AKAP19: variants seen among roughly 807,000 people sequenced by gnomAD.
The protein encoded by AKAP19 is small A-kinase anchoring protein.
At chr2:189,926,103 T>A in the AKAP19 span, among the ~76,000 whole-genome samples, 11 of 152,324 alleles carry the variant, frequency 7.2e-5, no homozygotes, top group East Asian at 1.2e-3. Flanking sequence ...TTTTGCATTA[T>A]CATTGATATT....
chr2:190,108,656 G>T, the AKAP19 span, among the ~76,000 whole-genome samples: 1 of 152,066 alleles, frequency 6.6e-6, no homozygotes, highest in African/African-American at 2.4e-5. Context: ...TTGGCAGCCT[G>T]GATATGAAAT....
the AKAP19 span, among the ~76,000 whole-genome samples, chr2:190,125,553 T>C: frequency 1.3e-5 from 2 of 152,138 alleles, no homozygotes; most frequent in South Asian, 2.1e-4. Context: ...CACTCTGTAA[T>C]CAATGCAAAA....
chr2:190,176,312 A>T, the AKAP19 span, among the ~76,000 whole-genome samples: 519 of 152,292 alleles, frequency 3.4e-3, 1 homozygote, highest in African/African-American at 0.012. The surrounding 1 kb of genome is among the most constrained non-coding windows in gnomAD (Gnocchi z 4.7). Context: ...AGTAGTAAAA[A>T]ATAGTTCAGG....
At chr2:189,925,594 G>A in the AKAP19 span, among the ~76,000 whole-genome samples, 1 of 152,024 alleles carries the variant, frequency 6.6e-6, no homozygotes, top group Non-Finnish European at 1.5e-5. Flanking sequence ...TTCATTTGTG[G>A]GTATGAATCT....
chr2:190,003,970 T>C, the AKAP19 span, among the ~76,000 whole-genome samples: 40 of 152,338 alleles, frequency 2.6e-4, no homozygotes, highest in Non-Finnish European at 5.4e-4. Flanking sequence ...CAAATCTCTT[T>C]ACTCTTAATT....
chr2:190,090,095 A>G, the AKAP19 span, among the ~76,000 whole-genome samples: 1 of 152,016 alleles, frequency 6.6e-6, no homozygotes, highest in Non-Finnish European at 1.5e-5. Flanking sequence ...TTTTCTCCTT[A>G]TAACTACCTG....
the AKAP19 span, among the ~76,000 whole-genome samples, chr2:190,158,651 T>A: frequency 6.6e-6 from 1 of 152,252 alleles, no homozygotes; most frequent in Non-Finnish European, 1.5e-5. Flanking sequence ...TTTTTGATTC[T>A]GTTCTCCCTG....
chr2:189,923,392 C>T, the AKAP19 span: 2 of 1,612,700 alleles, frequency 1.2e-6, no homozygotes, highest in South Asian at 2.2e-5. Flanking sequence ...CCCGTGTATT[C>T]ATTGGGAATC....
chr2:189,982,945 G>A, the AKAP19 span, among the ~76,000 whole-genome samples: 2 of 152,100 alleles, frequency 1.3e-5, no homozygotes, highest in African/African-American at 4.8e-5. Flanking sequence ...TCTGATAGCA[G>A]GTTTTTTGTT....
chr2:190,201,323 CAG>C, the AKAP19 span: 11 of 166,860 alleles, frequency 6.6e-5, no homozygotes, highest in African/African-American at 2.4e-4. Flanking sequence ...TCAGTGGTAA[CAG>C]AAAATTTGGG....
the AKAP19 span, among the ~76,000 whole-genome samples, chr2:190,138,067 G>A: frequency 1.3e-5 from 2 of 152,158 alleles, no homozygotes; most frequent in African/African-American, 4.8e-5. Flanking sequence ...TTCTTAAGTG[G>A]TCTAGGATTA....
chr2:190,116,615 T>C, the AKAP19 span, among the ~76,000 whole-genome samples: 1 of 152,114 alleles, frequency 6.6e-6, no homozygotes, highest in Non-Finnish European at 1.5e-5. Flanking sequence ...CTGTCTACAT[T>C]GGGAGTACTT....
chr2:190,188,041 C>A, the AKAP19 span, among the ~76,000 whole-genome samples: 1 of 152,100 alleles, frequency 6.6e-6, no homozygotes, highest in Non-Finnish European at 1.5e-5. Context: ...GTATGACTGT[C>A]ATGTGTATAT....
At chr2:190,101,209 G>A in the AKAP19 span, among the ~76,000 whole-genome samples, 8 of 152,334 alleles carry the variant, frequency 5.3e-5, no homozygotes, top group East Asian at 1.5e-3. Context: ...GAGTGAGATA[G>A]GGGCCTCCAC....
At chr2:189,954,389 G>A in the AKAP19 span, among the ~76,000 whole-genome samples, 4 of 152,198 alleles carry the variant, frequency 2.6e-5, no homozygotes, top group African/African-American at 7.2e-5. Flanking sequence ...CAGAACATAT[G>A]ATAAGATCAG....
chr2:190,028,686 G>A, the AKAP19 span, among the ~76,000 whole-genome samples: 1 of 152,088 alleles, frequency 6.6e-6, no homozygotes, highest in Non-Finnish European at 1.5e-5. Context: ...AAATGGTAAA[G>A]TATACAAAGT....
the AKAP19 span, among the ~76,000 whole-genome samples, chr2:189,957,672 A>G: frequency 0.034 from 5,206 of 152,242 alleles, 279 homozygotes; most frequent in African/African-American, 0.11. Context: ...TAGTTCCTAT[A>G]GTAAGACTTT....
the AKAP19 span, among the ~76,000 whole-genome samples, chr2:189,973,301 T>A: frequency 6.6e-6 from 1 of 152,238 alleles, no homozygotes; most frequent in African/African-American, 2.4e-5. Context: ...GATTTGTGTA[T>A]GTTGAACCAG....
the AKAP19 span, among the ~76,000 whole-genome samples, chr2:190,185,367 T>C: frequency 6.6e-6 from 1 of 151,932 alleles, no homozygotes; most frequent in Non-Finnish European, 1.5e-5. Flanking sequence ...TGCACAGGAG[T>C]TTGCAAAAGA....
Sources: allele counts gnomAD v4.1 joint callset (sites outside exome capture counted in the v4.1 genomes callset), GRCh38; gene constraint gnomAD v4.1.1; non-coding constraint Gnocchi (gnomAD v3.1); transcripts MANE v1.5; gene names NCBI Gene and HGNC (gene_info 2026-07-23, HGNC 2026-07-21).